Variants in DHRSX observed in about 807,000 individuals in gnomAD.
The protein encoded by DHRSX is polyprenol dehydrogenase.
A neutral mutation model predicts 34.0 loss-of-function variants in DHRSX; 31 were observed. The observed-to-expected ratio is 0.91, with a 90% CI of 0.69 to 1.23. The LOEUF (loss-of-function observed/expected upper bound fraction) is 1.23, where lower values mean the gene tolerates loss of function less well. DHRSX is among the 50% of genes most tolerant of loss of function. The pLI is 0.00. For missense variants in DHRSX, 414 were observed against 428.1 expected (o/e 0.97, Z 0.29); for synonymous variants, 201 against 183.8 (o/e 1.09, Z -0.76).
At chrX:2,237,630 G>A (rs1170107146) in intron 6 of DHRSX, among the ~76,000 whole-genome samples, 3 of 151,682 alleles carry the variant, frequency 2.0e-5, no homozygotes, top group African/African-American at 7.3e-5. Context: ...TCAGCCTCCT[G>A]AGTAGCTGGG....
chrX:2,430,330 T>A (rs145016778), intron 1 of DHRSX, among the ~76,000 whole-genome samples: 403 of 148,488 alleles, frequency 2.7e-3, no homozygotes, highest in African/African-American at 9.3e-3. Flanking sequence ...GCTAGAAGAG[T>A]TTAGTGTTTT....
At chrX:2,367,532 A>G (rs2043008862) in intron 3 of DHRSX, among the ~76,000 whole-genome samples, 1 of 152,176 alleles carries the variant, frequency 6.6e-6, no homozygotes. Context: ...TGAAAATAAG[A>G]ACAGGGAAAT....
At chrX:2,253,239 G>A (rs1433409872) in intron 5 of DHRSX, among the ~76,000 whole-genome samples, 2 of 151,950 alleles carry the variant, frequency 1.3e-5, no homozygotes, top group Non-Finnish European at 2.9e-5. Context: ...CCAAGATGGC[G>A]CCACGGCACT....
chrX:2,286,366 G>C (rs1228887514), intron 4 of DHRSX, among the ~76,000 whole-genome samples: 2 of 151,616 alleles, frequency 1.3e-5, no homozygotes, highest in Admixed American at 6.6e-5. Context: ...GGTTCATCTG[G>C]CCCAAGCCTC....
intron 5 of DHRSX, among the ~76,000 whole-genome samples, chrX:2,246,403 C>G (rs767449811): frequency 1.1e-4 from 17 of 152,152 alleles, no homozygotes; most frequent in Admixed American, 3.9e-4. Flanking sequence ...GTGGGCAGAT[C>G]ACCAGGTCAT....
intron 2 of DHRSX, among the ~76,000 whole-genome samples, chrX:2,419,712 G>A (rs1275497591): frequency 1.3e-5 from 2 of 149,160 alleles, no homozygotes; most frequent in Non-Finnish European, 3.0e-5. Flanking sequence ...GCAAACTATC[G>A]CAAGGACAAA....
chrX:2,473,125 C>A (rs186996288), intron 1 of DHRSX, among the ~76,000 whole-genome samples: 33 of 147,302 alleles, frequency 2.2e-4, no homozygotes, highest in African/African-American at 8.5e-4. Context: ...GCCTCAGGAA[C>A]GTGGCACAGT....
chrX:2,362,163 T>C (rs1230867327), intron 3 of DHRSX, among the ~76,000 whole-genome samples: 1 of 152,168 alleles, frequency 6.6e-6, no homozygotes, highest in African/African-American at 2.4e-5. Context: ...GTTATTTCAT[T>C]GATTTTCCTT....
In DHRSX at chrX:2,408,725, A is replaced by G. The variant is rs761860701; in HGVS notation, c.286+20T>C. 11 of 1,594,660 alleles carry G rather than the reference A, an allele frequency of 6.9e-6. No homozygotes were observed. The African/African-American group carries it at 1.2e-4, about 18-fold the overall frequency. ...GGAAAAAAAAAAACAAAAAAAAGCC[A>G]TTGGAGTATCTCTCGGTACCTTTGT... On this transcript the variant is annotated intron_variant, in intron 3 of 6. Coordinates refer to ENST00000334651, the MANE Select transcript of DHRSX (RefSeq NM_145177.3).
At position 2,470,487 on chromosome X, in the gene DHRSX, C is replaced by T. The variant is rs182244765; in HGVS notation, c.109+30330G>A. Among the ~76,000 whole-genome samples the T allele has an allele frequency of 2.3e-3, 349 of 152,168 alleles. 4 individuals are homozygous for T. The highest frequency in any genetic ancestry group is 7.1e-3 in the African/African-American group (295 of 41,498). On this transcript the variant is annotated intron_variant, in intron 1 of 6. Coordinates refer to ENST00000334651, the MANE Select transcript of DHRSX (RefSeq NM_145177.3). Reference sequence around the variant, plus strand: ...ACTTGGGAGGCTGAGGCAGGAGGATCGCTTTAGCCCAGGAATTCAAGACCA... The same window carrying T: ...ACTTGGGAGGCTGAGGCAGGAGGATTGCTTTAGCCCAGGAATTCAAGACCA...
chrX:2,298,668 T>C (rs111566353), intron 3 of DHRSX, among the ~76,000 whole-genome samples: 4,945 of 137,076 alleles, frequency 0.036, 444 homozygotes, highest in African/African-American at 0.17. Flanking sequence ...CTACACAGGG[T>C]CCTGAGAACC....
At chrX:2,327,816 C>T (rs956927326) in intron 3 of DHRSX, among the ~76,000 whole-genome samples, 1 of 152,036 alleles carries the variant, frequency 6.6e-6, no homozygotes, top group Non-Finnish European at 1.5e-5. Context: ...TGTGGTGGCT[C>T]ACGCCTGTAA....
rs756022792 is a variant in DHRSX at position 2,488,593 on chromosome X, G to A, written c.109+12224C>T. Reference sequence around the variant, plus strand: ...AAGTATTTACAGCAAAGCATCCAATGGGCTGCTGCGGGGATGACTTGTAAG... The same window carrying A: ...AAGTATTTACAGCAAAGCATCCAATAGGCTGCTGCGGGGATGACTTGTAAG... On this transcript the variant is annotated intron_variant, in intron 1 of 6. Transcript: ENST00000334651. 3.9e-6 allele frequency: 6 copies of A among 1,541,408 alleles called. No homozygotes were observed. In the East Asian group the frequency reaches 6.8e-5, roughly 17 times the overall value.
chrX:2,454,034 A>T (rs950767302), intron 1 of DHRSX, among the ~76,000 whole-genome samples: 1 of 152,098 alleles, frequency 6.6e-6, no homozygotes, highest in African/African-American at 2.4e-5. Context: ...ATATGTATAC[A>T]ATTATTTTTT....
intron 1 of DHRSX, among the ~76,000 whole-genome samples, chrX:2,484,500 C>G (rs2044829476): frequency 6.6e-6 from 1 of 152,120 alleles, no homozygotes; most frequent in Admixed American, 6.6e-5. Flanking sequence ...AGAAGTTGCT[C>G]AGAAAGGAAC....
chrX:2,439,094 C>A (rs1355455902), intron 1 of DHRSX, among the ~76,000 whole-genome samples: 1 of 148,640 alleles, frequency 6.7e-6, no homozygotes, highest in Non-Finnish European at 1.5e-5. Context: ...GCAGTGAGCT[C>A]AGATCATGCC....
chrX:2,437,611 A>G (rs1314728166), intron 1 of DHRSX, among the ~76,000 whole-genome samples: 5 of 58,898 alleles, frequency 8.5e-5, no homozygotes, highest in African/African-American at 1.2e-4. Flanking sequence ...CTCAAAAAAA[A>G]AAGAAGAAGA....
chrX:2,306,354 T>G (rs935959768), intron 3 of DHRSX, among the ~76,000 whole-genome samples: 1 of 152,006 alleles, frequency 6.6e-6, no homozygotes, highest in African/African-American at 2.4e-5. Context: ...GAAGGCAGAA[T>G]GCTCACTGGG....
intron 3 of DHRSX, among the ~76,000 whole-genome samples, chrX:2,374,316 CCA>C: frequency 6.6e-6 from 1 of 152,298 alleles, no homozygotes; most frequent in South Asian, 2.1e-4. Context: ...TCAAAACAGA[CCA>C]CAGTGAGGCC....
Sources: allele counts gnomAD v4.1 joint callset (sites outside exome capture counted in the v4.1 genomes callset), GRCh38; gene constraint gnomAD v4.1.1; transcripts MANE v1.5; gene names NCBI Gene and HGNC (gene_info 2026-07-23, HGNC 2026-07-21).